Variants in TRAPPC9 observed in about 807,000 individuals in gnomAD.
TRAPPC9 encodes the protein IKK2 binding protein.
TRAPPC9 carries 83 observed loss-of-function variants against 124.0 expected under a neutral mutation model. The observed-to-expected ratio is 0.67, with a 90% CI of 0.56 to 0.80. TRAPPC9 has a LOEUF of 0.80. TRAPPC9 is among the 30% of genes least tolerant of loss of function. TRAPPC9 has a pLI of 0.00. For missense variants in TRAPPC9, 1,302 were observed against 1,508.3 expected (o/e 0.86, Z 2.27); for synonymous variants, 638 against 617.5 (o/e 1.03, Z -0.49).
intron 17 of TRAPPC9, among the ~76,000 whole-genome samples, chr8:140,048,510 C>T (rs1056432195): frequency 3.9e-5 from 6 of 152,104 alleles, no homozygotes; most frequent in Admixed American, 6.5e-5. Context: ...TCATGTAATC[C>T]TTGCAGCCAT....
chr8:139,957,048 G>A (rs1433320879), intron 19 of TRAPPC9, among the ~76,000 whole-genome samples: 1 of 152,272 alleles, frequency 6.6e-6, no homozygotes, highest in East Asian at 1.9e-4. Flanking sequence ...ATTCCACACA[G>A]AGCGGGCCCC....
intron 17 of TRAPPC9, among the ~76,000 whole-genome samples, chr8:140,103,982 A>G (rs551368862): frequency 6.6e-6 from 1 of 152,344 alleles, no homozygotes; most frequent in African/African-American, 2.4e-5. Flanking sequence ...GAGCATATCA[A>G]TGAAGATATC....
chr8:140,132,194 C>A (rs2061220231), intron 17 of TRAPPC9, among the ~76,000 whole-genome samples: 1 of 152,168 alleles, frequency 6.6e-6, no homozygotes, highest in African/African-American at 2.4e-5. Context: ...CACCCAGGGT[C>A]CAGCACAGCA....
chr8:140,154,372 C>T (rs1429133953), intron 17 of TRAPPC9, among the ~76,000 whole-genome samples: 1 of 152,162 alleles, frequency 6.6e-6, no homozygotes, highest in East Asian at 1.9e-4. Context: ...ACAGTCTCTT[C>T]ACTGACCCCC....
chr8:140,359,230 G>C (rs935225078), intron 9 of TRAPPC9, among the ~76,000 whole-genome samples: 1 of 152,106 alleles, frequency 6.6e-6, no homozygotes, highest in African/African-American at 2.4e-5. Context: ...CTGATCCCAT[G>C]AGTACGTCCC....
chr8:139,747,256 AGTCTCAGACTTTCTCATCTGC>A (rs2130144491), intron 21 of TRAPPC9, among the ~76,000 whole-genome samples: 1 of 152,268 alleles, frequency 6.6e-6, no homozygotes, highest in East Asian at 1.9e-4. Flanking sequence ...ATGCCAACCC[AGTCTCAGACTTTCTCATCTGC>A]CAATCAGATC....
chr8:140,261,545 GAA>G (rs1214783075), intron 15 of TRAPPC9, among the ~76,000 whole-genome samples: 1 of 152,186 alleles, frequency 6.6e-6, no homozygotes, highest in Non-Finnish European at 1.5e-5. Flanking sequence ...GCATATAACT[GAA>G]ATAAGACTTG....
intron 17 of TRAPPC9, among the ~76,000 whole-genome samples, chr8:140,140,720 C>T (rs1389871630): frequency 2.6e-5 from 4 of 152,148 alleles, no homozygotes; most frequent in Non-Finnish European, 4.4e-5. Context: ...CAGTTCTTCC[C>T]TCCGAAACCT....
rs190931919 is a variant in TRAPPC9, at chr8:139,797,703, A to G, written c.3056-65501T>C. On this transcript the variant is annotated intron_variant, in intron 21 of 22. Coordinates refer to ENST00000438773, the MANE Select transcript of TRAPPC9 (RefSeq NM_001160372.4). ...CATAGTTAGATATTTGATCAACTTC[A>G]TTCTTTTGCATAAGGATCTCTGGTT... Among the ~76,000 whole-genome samples the G allele has an allele frequency of 2.6e-4, 39 of 152,322 alleles. 1 individual carries two copies. The East Asian group carries it at 7.1e-3, about 28-fold the overall frequency.
At chr8:139,943,910 G>A (rs1834056815) in intron 19 of TRAPPC9, among the ~76,000 whole-genome samples, 1 of 152,108 alleles carries the variant, frequency 6.6e-6, no homozygotes, top group Non-Finnish European at 1.5e-5. Context: ...ACAAAACAGA[G>A]CTTCAGGGAC....
intron 17 of TRAPPC9, among the ~76,000 whole-genome samples, chr8:140,183,756 G>A (rs545324408): frequency 3.3e-5 from 5 of 151,832 alleles, no homozygotes; most frequent in South Asian, 4.2e-4. Context: ...TCAGGAGACT[G>A]AAGCAGGAGA....
At chr8:140,180,679 ATTTTT>A (rs11292362) in intron 17 of TRAPPC9, among the ~76,000 whole-genome samples, 3 of 138,122 alleles carry the variant, frequency 2.2e-5, no homozygotes, top group African/African-American at 2.7e-5. Flanking sequence ...GTTAACAGCT[ATTTTT>A]TTTTTTTTTT....
intron 17 of TRAPPC9, among the ~76,000 whole-genome samples, chr8:140,102,239 GT>G (rs2060593286): frequency 6.6e-6 from 1 of 152,162 alleles, no homozygotes; most frequent in Non-Finnish European, 1.5e-5. Flanking sequence ...TTCTCTCAAA[GT>G]TTGTAACACT....
chr8:139,779,203 A>G (rs911912580), intron 21 of TRAPPC9, among the ~76,000 whole-genome samples: 1 of 152,170 alleles, frequency 6.6e-6, no homozygotes, highest in East Asian at 1.9e-4. Context: ...AACATCTTTA[A>G]GTGCGGGGTG....
Position 139,730,829 on chromosome 8 carries a change from T to A in TRAPPC9, c.*232A>T, listed in dbSNP as rs527976463. On this transcript the variant is annotated 3_prime_UTR_variant, in exon 23 of 23. Transcript: ENST00000438773. ...TTCCTCTGCTTCAGCCTGTGTATGG[T>A]CCAGGGAACAGTGTAGGAAGGGGCG... 1.7e-6 allele frequency: 1 copy of A among 580,338 alleles called. No individual in the cohort carries two copies. The highest frequency in any genetic ancestry group is 3.1e-6 in the Non-Finnish European group (1 of 325,440). 35.9% of individuals were successfully genotyped at this position (580,338 alleles called of 1,614,324 possible).
intron 21 of TRAPPC9, among the ~76,000 whole-genome samples, chr8:139,741,140 C>T (rs76055834): frequency 2.6e-5 from 4 of 152,252 alleles, no homozygotes; most frequent in South Asian, 2.1e-4. Flanking sequence ...CCCCCTTGGG[C>T]GTGACACTCC....
chr8:140,264,813 G>A (rs2064564763), intron 15 of TRAPPC9, among the ~76,000 whole-genome samples: 2 of 152,116 alleles, frequency 1.3e-5, no homozygotes, highest in Admixed American at 1.3e-4. Flanking sequence ...CAACTAAACA[G>A]CTACTCCTAC....
At chr8:140,025,032 T>A (rs1840057500) in intron 17 of TRAPPC9, among the ~76,000 whole-genome samples, 1 of 152,116 alleles carries the variant, frequency 6.6e-6, no homozygotes, top group South Asian at 2.1e-4. Context: ...CGGTACCCAG[T>A]GAGAGGCGAA....
intron 4 of TRAPPC9, among the ~76,000 whole-genome samples, chr8:140,430,273 T>TG (rs2070591519): frequency 6.6e-6 from 1 of 152,310 alleles, no homozygotes; most frequent in Admixed American, 6.5e-5. Context: ...AAGAAAGAAC[T>TG]GTCACCCCAT....
Sources: allele counts gnomAD v4.1 joint callset (sites outside exome capture counted in the v4.1 genomes callset), GRCh38; gene constraint gnomAD v4.1.1; transcripts MANE v1.5; gene names NCBI Gene and HGNC (gene_info 2026-07-23, HGNC 2026-07-21).